Variants in FAM83D observed in about 807,000 individuals in gnomAD.
FAM83D encodes scaffolding CK1 anchoring protein D.
A neutral mutation model predicts 25.4 loss-of-function variants in FAM83D; 26 were observed. The ratio of observed to expected loss-of-function variants is 1.02; its 90% CI spans 0.75 to 1.42. The LOEUF is 1.42. Ranked by LOEUF, FAM83D falls within the 40% of genes most tolerant of loss-of-function variation. The pLI is 0.00. For missense variants in FAM83D, 740 were observed against 758.1 expected (o/e 0.98, Z 0.28); for synonymous variants, 310 against 318.5 (o/e 0.97, Z 0.28).
intron 2 of FAM83D, among the ~76,000 whole-genome samples, chr20:38,946,705 T>G (rs553500308): frequency 8.5e-4 from 129 of 152,360 alleles, no homozygotes; most frequent in Admixed American, 3.2e-3. Context: ...TTTGCTTTTT[T>G]TCTCTCATCA....
At chr20:38,929,374 C>T (rs1195598193) in intron 1 of FAM83D, among the ~76,000 whole-genome samples, 3 of 151,922 alleles carry the variant, frequency 2.0e-5, no homozygotes, top group South Asian at 2.1e-4. Flanking sequence ...GCAGGTACTG[C>T]GGAAAGGGCT....
intron 1 of FAM83D, among the ~76,000 whole-genome samples, chr20:38,929,307 C>T (rs767732099): frequency 2.0e-5 from 3 of 152,176 alleles, no homozygotes; most frequent in Non-Finnish European, 4.4e-5. Flanking sequence ...AAGGCATCAT[C>T]CTTGCCAACA....
At chr20:38,942,199 CT>C (rs1247665479) in intron 2 of FAM83D, 73 bp downstream of exon 2, 7 of 1,519,366 alleles carry the variant, frequency 4.6e-6, no homozygotes, top group Admixed American at 1.7e-5. Flanking sequence ...TACAAGCTGG[CT>C]GGTGGCGGTA....
intron 1 of FAM83D, among the ~76,000 whole-genome samples, chr20:38,934,750 C>T (rs562157216): frequency 2.6e-5 from 4 of 152,010 alleles, no homozygotes; most frequent in Middle Eastern, 3.4e-3. Flanking sequence ...GTGAATGAAC[C>T]GATTCGTCTC....
In FAM83D at chr20:38,942,297, A is replaced by G. The variant is rs1225077731; in HGVS notation, c.651+171A>G. The G allele has an allele frequency of 4.4e-6, 3 of 674,328 alleles. No individual in the cohort carries two copies. The South Asian group carries it at 5.5e-5, about 12-fold the overall frequency. The allele number at this position is 674,328 out of a possible 1,614,324, so 41.8% of individuals were successfully genotyped here. A position where few individuals can be genotyped will look rare whatever the true frequency, so the allele number is the denominator to read the frequency against. On this transcript the variant is annotated intron_variant, in intron 2 of 3. Coordinates refer to ENST00000619850, the MANE Select transcript of FAM83D (RefSeq NM_030919.3). ...AACAAACAGTACCTGTGACCTGGCAATTCTCCTAGGTGTCTACCCAAGAGA... is the reference window on the plus strand; with the variant it reads ...AACAAACAGTACCTGTGACCTGGCAGTTCTCCTAGGTGTCTACCCAAGAGA...
At chr20:38,943,940 C>T (rs1788479113) in intron 2 of FAM83D, among the ~76,000 whole-genome samples, 1 of 152,212 alleles carries the variant, frequency 6.6e-6, no homozygotes, top group South Asian at 2.1e-4. Context: ...GATCCACCCG[C>T]CTCGGCCTCC....
At chr20:38,926,990 C>A in intron 1 of FAM83D, 65 bp downstream of exon 1, 1 of 1,403,134 alleles carries the variant, frequency 7.1e-7, no homozygotes, top group Non-Finnish European at 9.2e-7. Flanking sequence ...AAATTGAGGC[C>A]TGCTGGGAGT....
At chr20:38,930,710 C>G (rs1415580188) in intron 1 of FAM83D, among the ~76,000 whole-genome samples, 4 of 151,726 alleles carry the variant, frequency 2.6e-5, no homozygotes, top group Admixed American at 2.6e-4. Context: ...TGCAGTGGCA[C>G]AGTCTCAGCT....
At position 38,930,654 on chromosome 20, in the gene FAM83D, CT is replaced by C. The variant is rs375001353; in HGVS notation, c.483+3740del. Among the ~76,000 whole-genome samples, 119 of 144,526 alleles carry C rather than the reference CT, an allele frequency of 8.2e-4. 1 individual carries two copies. The highest frequency in any genetic ancestry group is 1.2e-3 in the African/African-American group (48 of 39,670). The allele number at this position is 144,526 out of a possible 152,430, so 94.8% of individuals were successfully genotyped here. A position where few individuals can be genotyped will look rare whatever the true frequency, so the allele number is the denominator to read the frequency against. On this transcript the variant is annotated intron_variant, in intron 1 of 3. Coordinates refer to ENST00000619850, the MANE Select transcript of FAM83D (RefSeq NM_030919.3). ...CACCACCATGCCCAGCTAATTTTTT[CT>C]TTTTTTTTTTGGAGACAGAGTTGCT... is the stretch of plus-strand genomic sequence containing the variant.
chr20:38,938,341 A>G (rs1416941982), intron 1 of FAM83D, among the ~76,000 whole-genome samples: 1 of 152,128 alleles, frequency 6.6e-6, no homozygotes, highest in Non-Finnish European at 1.5e-5. Flanking sequence ...GCACTGAGGG[A>G]ACGTGTCCTT....
intron 1 of FAM83D, among the ~76,000 whole-genome samples, chr20:38,927,379 A>C (rs1397448447): frequency 1.3e-5 from 2 of 152,196 alleles, no homozygotes; most frequent in African/African-American, 4.8e-5. Context: ...CTCCAGAGAC[A>C]ACTACGGGGC....
At chr20:38,942,190 A>G (rs1337125574) in intron 2 of FAM83D, 64 bp downstream of exon 2, 5 of 1,563,838 alleles carry the variant, frequency 3.2e-6, no homozygotes, top group African/African-American at 1.4e-5. Context: ...TCCATTATCT[A>G]CAAGCTGGCT....
rs766445577 is a variant in FAM83D at position 38,952,175 on chromosome 20, A to T, written c.1413A>T (p.Arg471Ser). The T allele has an allele frequency of 1.9e-6, 3 of 1,614,180 alleles. No individual in the cohort carries two copies. Among genetic ancestry groups the T allele is most frequent in the Non-Finnish European group, 2.5e-6 (3 of 1,180,036 alleles). ...GSPVSKMSVS[R>S]SSSLKSSSSV... ...CAGTCTCAAAAATGTCTGTATCGAGATCTTCCAGTTTGAAGTCTTCCTCCT... is the reference window on the plus strand; with the variant it reads ...CAGTCTCAAAAATGTCTGTATCGAGTTCTTCCAGTTTGAAGTCTTCCTCCT... The change falls in exon 4 of 4, where the codon AGA (arginine) becomes AGT (serine). Residue 471 changes from arginine (R) to serine (S), a missense_variant. Transcript: ENST00000619850.
chr20:38,926,534 C>T lies in FAM83D; in HGVS notation c.92C>T (p.Ser31Leu), dbSNP rs1347405241. 2 of 1,588,616 alleles carry T rather than the reference C, an allele frequency of 1.3e-6. No individual in the cohort carries two copies. The highest frequency in any genetic ancestry group is 1.7e-6 in the Non-Finnish European group (2 of 1,174,286). ...PPNPTELFSESRRLALEELVA... is the reference protein window; with the variant it reads ...PPNPTELFSELRRLALEELVA... The stretch of plus-strand genomic sequence containing the variant: ...AACCCGACCGAGCTGTTCAGCGAGT[C>T]ACGGCGCCTGGCTCTGGAGGAGCTG... Residue 31 changes from serine (S) to leucine (L), a missense_variant, in exon 1 of 4, where the codon TCA becomes TTA. Ser to Leu is a moderately radical substitution (Grantham distance 145). Coordinates refer to ENST00000619850, the MANE Select transcript of FAM83D (RefSeq NM_030919.3).
chr20:38,941,147 C>T (rs1373598560), intron 1 of FAM83D, among the ~76,000 whole-genome samples: 1 of 152,178 alleles, frequency 6.6e-6, no homozygotes, highest in East Asian at 1.9e-4. Context: ...GGAAATATTT[C>T]CCTGTTCTTT....
intron 2 of FAM83D, among the ~76,000 whole-genome samples, chr20:38,945,605 T>G (rs1358175328): frequency 6.6e-6 from 1 of 152,112 alleles, no homozygotes; most frequent in Non-Finnish European, 1.5e-5. Flanking sequence ...ACTAATGCCC[T>G]TTTTTATGGT....
intron 1 of FAM83D, 76 bp downstream of exon 1, chr20:38,927,001 A>T: frequency 7.1e-7 from 1 of 1,401,204 alleles, no homozygotes; most frequent in Non-Finnish European, 9.2e-7. Context: ...TGCTGGGAGT[A>T]CGGGCCGGGG....
chr20:38,934,830 A>C (rs1272321893), intron 1 of FAM83D, among the ~76,000 whole-genome samples: 1 of 152,212 alleles, frequency 6.6e-6, no homozygotes, highest in Non-Finnish European at 1.5e-5. Context: ...CTAGAATGGT[A>C]CTGACCAGTG....
intron 3 of FAM83D, among the ~76,000 whole-genome samples, chr20:38,948,749 C>A (rs553938527): frequency 1.3e-5 from 2 of 152,248 alleles, no homozygotes; most frequent in South Asian, 4.2e-4. Context: ...AACACACAAC[C>A]CTGAGTGATA....
Sources: allele counts gnomAD v4.1 joint callset (sites outside exome capture counted in the v4.1 genomes callset), GRCh38; gene constraint gnomAD v4.1.1; transcripts MANE v1.5; gene names NCBI Gene and HGNC (gene_info 2026-07-23, HGNC 2026-07-21).